DIXDC1: variants seen among roughly 807,000 people sequenced by gnomAD.
The protein encoded by DIXDC1 is dixin.
In DIXDC1, 64 loss-of-function variants were observed where a neutral mutation model predicts 103.1. The observed-to-expected ratio is 0.62, with a 90% CI of 0.51 to 0.76. DIXDC1 has a LOEUF of 0.76. Among genes scored for constraint, DIXDC1 ranks in the 30% least tolerant of loss-of-function variants. The pLI is 0.00. For missense variants in DIXDC1, 759 were observed against 834.2 expected (o/e 0.91, Z 1.11); for synonymous variants, 266 against 298.5 (o/e 0.89, Z 1.12).
intron 1 of DIXDC1, among the ~76,000 whole-genome samples, chr11:111,957,918 G>GT (rs1859441881): frequency 6.6e-6 from 1 of 152,266 alleles, no homozygotes; most frequent in Admixed American, 6.5e-5. Context: ...CAGTGGGGCA[G>GT]GTGTGGCCGG....
chr11:111,956,994 C>CT (rs1859393623), intron 1 of DIXDC1, among the ~76,000 whole-genome samples: 1 of 150,708 alleles, frequency 6.6e-6, no homozygotes, highest in African/African-American at 2.5e-5. Context: ...TAGTGAGACT[C>CT]TGTCTCTATA....
rs373075928 is a variant in DIXDC1, at chr11:111,952,525, A to G, written c.61-12024A>G. On this transcript the variant is annotated intron_variant, in intron 1 of 19. Transcript: ENST00000440460. The stretch of plus-strand genomic sequence containing the variant: ...AACAAAGTGAGACCCTGTCTCTACA[A>G]AAAAATCCAAAAATTGGCCAGGCCT... Among the ~76,000 whole-genome samples the G allele has an allele frequency of 2.6e-5, 4 of 152,278 alleles. No homozygotes were observed. In the South Asian group the frequency reaches 8.3e-4, roughly 32 times the overall value.
intron 1 of DIXDC1, among the ~76,000 whole-genome samples, chr11:111,941,837 TACACACACACACACACACAC>T (rs10635444): frequency 7.2e-6 from 1 of 139,188 alleles, no homozygotes; most frequent in African/African-American, 2.6e-5. Context: ...CGAAACAAAA[TACACACACACACACACACAC>T]ACACACACAC....
chr11:112,014,895 T>G (rs936610258), intron 17 of DIXDC1, among the ~76,000 whole-genome samples: 30 of 152,110 alleles, frequency 2.0e-4, no homozygotes, highest in Non-Finnish European at 8.8e-5. Flanking sequence ...ATTCTTTTTT[T>G]TTTTTTGGAG....
chr11:111,996,756 A>G (rs1276918592), intron 17 of DIXDC1, among the ~76,000 whole-genome samples: 1 of 152,170 alleles, frequency 6.6e-6, no homozygotes, highest in Non-Finnish European at 1.5e-5. Flanking sequence ...AGGCTGAGGC[A>G]AGAGAATCAC....
chr11:111,977,835 G>T lies in DIXDC1; in HGVS notation c.656+2852G>T. On this transcript the variant is annotated intron_variant, in intron 5 of 19. Coordinates refer to ENST00000440460, the MANE Select transcript of DIXDC1 (RefSeq NM_001037954.4). The surrounding 1 kb of genome is among the most constrained non-coding windows in gnomAD (Gnocchi z 6.1). ...TCTGGCTTTGGAAGTGGGGGGCCTG[G>T]GTGGGAACAGGGGCAGGGCTGGAGG... is the stretch of plus-strand genomic sequence containing the variant. 1 of 1,538,768 alleles carries T rather than the reference G, an allele frequency of 6.5e-7. No homozygotes were observed. The highest frequency in any genetic ancestry group is 2.5e-5 in the East Asian group (1 of 39,406).
chr11:111,932,318 G>A (rs1040466675), intron 2 of DIXDC1, among the ~76,000 whole-genome samples: 20 of 151,638 alleles, frequency 1.3e-4, no homozygotes, highest in Non-Finnish European at 1.6e-4. Flanking sequence ...GATTACAGGC[G>A]TGAGCCACCA....
chr11:111,955,677 A>G (rs933752317), intron 1 of DIXDC1, among the ~76,000 whole-genome samples: 2 of 151,544 alleles, frequency 1.3e-5, no homozygotes, highest in Non-Finnish European at 1.5e-5. Context: ...TCTACTAAAA[A>G]TACAAAAATT....
intron 17 of DIXDC1, among the ~76,000 whole-genome samples, chr11:112,001,557 A>G (rs1861065555): frequency 6.6e-6 from 1 of 152,140 alleles, no homozygotes; most frequent in Admixed American, 6.5e-5. Flanking sequence ...CTACCCAAAA[A>G]ACAAGAAAAA....
chr11:111,994,400 C>CATATATAT (rs587665197), intron 14 of DIXDC1, among the ~76,000 whole-genome samples: 4 of 149,992 alleles, frequency 2.7e-5, no homozygotes, highest in East Asian at 1.9e-4. Context: ...ACAAAACATA[C>CATATATAT]ATATATATAT....
intron 17 of DIXDC1, among the ~76,000 whole-genome samples, chr11:112,007,312 A>C (rs1555176705): frequency 2.0e-5 from 3 of 152,242 alleles, no homozygotes. Context: ...CTATGTGAAA[A>C]GACCAAATCT....
chr11:111,934,670 G>T (rs1439416560), upstream of DIXDC1, among the ~76,000 whole-genome samples: 1 of 152,060 alleles, frequency 6.6e-6, no homozygotes, highest in Non-Finnish European at 1.5e-5. Context: ...GTGTTGTTTG[G>T]AGCTAAAGCT....
intron 8 of DIXDC1, 50 bp from the exon 9 acceptor site, chr11:111,986,821 T>C (rs1555173895): frequency 4.0e-6 from 6 of 1,515,828 alleles, no homozygotes; most frequent in Non-Finnish European, 5.4e-6. Flanking sequence ...TGAGTGGCTC[T>C]GTACTTCACA....
chr11:111,977,694 T>A lies in DIXDC1; in HGVS notation c.656+2711T>A. 6.5e-7 allele frequency: 1 copy of A among 1,544,840 alleles called. No homozygotes were observed. Among genetic ancestry groups the A allele is most frequent in the Non-Finnish European group, 8.7e-7 (1 of 1,143,680 alleles). ...CCAGCGCGGGGAGACATGCCTGAAT[T>A]TGGGAGCGATGTGACTCTCAGCCTC... is the stretch of plus-strand genomic sequence containing the variant. On this transcript the variant is annotated intron_variant, in intron 5 of 19. Coordinates refer to ENST00000440460, the MANE Select transcript of DIXDC1 (RefSeq NM_001037954.4). The surrounding 1 kb of genome is among the most constrained non-coding windows in gnomAD (Gnocchi z 6.1).
At chr11:111,974,753 G>T in intron 4 of DIXDC1, 123 bp from the exon 5 acceptor site, 10 of 1,475,688 alleles carry the variant, frequency 6.8e-6, no homozygotes, top group Non-Finnish European at 9.0e-6. Context: ...TGTCTTTGAG[G>T]CAGGGGTTTT....
At chr11:111,936,845 AGTGTGTGTGTGTGT>A (rs57332873), upstream of DIXDC1, among the ~76,000 whole-genome samples, 5 of 140,758 alleles carry the variant, frequency 3.6e-5, no homozygotes, top group South Asian at 2.3e-4. Flanking sequence ...TTAAGTTAGC[AGTGTGTGTGTGTGT>A]GTGTGTGTGT....
intron 1 of DIXDC1, among the ~76,000 whole-genome samples, chr11:111,944,558 T>G (rs1966531644): frequency 6.6e-6 from 1 of 152,182 alleles, no homozygotes; most frequent in Non-Finnish European, 1.5e-5. Context: ...GCTTTCAAGG[T>G]CAAGATTTCC....
chr11:111,937,108 A>G (rs1422874636), upstream of DIXDC1: 1 of 579,016 alleles, frequency 1.7e-6, no homozygotes, highest in Non-Finnish European at 2.1e-6. Context: ...GCGCACGCAC[A>G]CACGCCCGTG....
chr11:111,932,508 C>T (rs1966059594), upstream of DIXDC1, among the ~76,000 whole-genome samples: 1 of 151,326 alleles, frequency 6.6e-6, no homozygotes, highest in African/African-American at 2.4e-5. Context: ...ATGGCGTGAA[C>T]CTGGGAGGTG....
Sources: allele counts gnomAD v4.1 joint callset (sites outside exome capture counted in the v4.1 genomes callset), GRCh38; gene constraint gnomAD v4.1.1; non-coding constraint Gnocchi (gnomAD v3.1); transcripts MANE v1.5; gene names NCBI Gene and HGNC (gene_info 2026-07-23, HGNC 2026-07-21).